GALNT17: variants seen among roughly 807,000 people sequenced by gnomAD.
GALNT17 encodes UDP-GalNAc:polypeptide N-acetylgalactosaminyltransferase-like 3.
GALNT17 carries 29 observed loss-of-function variants against 63.7 expected under a neutral mutation model. That is an observed-to-expected ratio of 0.46 (90% confidence interval 0.34 to 0.62). The LOEUF (loss-of-function observed/expected upper bound fraction) is 0.62, where lower values mean the gene tolerates loss of function less well. GALNT17 is among the 20% of genes least tolerant of loss of function. The pLI, the probability that GALNT17 is intolerant of heterozygous loss-of-function variation, is 0.01. For missense variants in GALNT17, 603 were observed against 799.6 expected (o/e 0.75, Z 2.97); for synonymous variants, 305 against 318.3 (o/e 0.96, Z 0.45).
intron 5 of GALNT17, among the ~76,000 whole-genome samples, chr7:71,559,937 G>A (rs902583980): frequency 2.0e-5 from 3 of 151,532 alleles, no homozygotes; most frequent in South Asian, 2.1e-4. Flanking sequence ...GCTCACGCCT[G>A]TAAATCCCAG....
chr7:71,473,884 A>C (rs984937338), intron 5 of GALNT17, among the ~76,000 whole-genome samples: 2 of 152,194 alleles, frequency 1.3e-5, no homozygotes, highest in African/African-American at 4.8e-5. Context: ...TCACAAAAGA[A>C]AGAATTCGGT....
intron 5 of GALNT17, among the ~76,000 whole-genome samples, chr7:71,423,132 G>GTTTTATGGGCACAGGTTTTTATGGGC (rs1786697116): frequency 6.6e-6 from 1 of 152,164 alleles, no homozygotes; most frequent in Non-Finnish European, 1.5e-5. Context: ...CAGGATGGGG[G>GTTTTATGGGCACAGGTTTTTATGGGC]ACAGGGTATG....
intron 6 of GALNT17, among the ~76,000 whole-genome samples, chr7:71,640,777 T>A (rs192812319): frequency 6.6e-6 from 1 of 152,120 alleles, no homozygotes; most frequent in East Asian, 1.9e-4. Flanking sequence ...CTTGAGAGGC[T>A]TACCCAGGAG....
intron 5 of GALNT17, among the ~76,000 whole-genome samples, chr7:71,511,106 C>T (rs558336278): frequency 1.6e-4 from 25 of 152,110 alleles, no homozygotes; most frequent in African/African-American, 5.8e-4. Flanking sequence ...CACTTGATCC[C>T]GGGAGGTCAA....
intron 5 of GALNT17, among the ~76,000 whole-genome samples, chr7:71,445,148 A>G (rs1787137508): frequency 6.7e-6 from 1 of 149,038 alleles, no homozygotes; most frequent in Non-Finnish European, 1.5e-5. Flanking sequence ...AGCACCTCCC[A>G]GGGTGGAGCC....
intron 6 of GALNT17, among the ~76,000 whole-genome samples, chr7:71,647,504 C>G (rs1790697132): frequency 1.3e-5 from 2 of 152,160 alleles, no homozygotes; most frequent in Non-Finnish European, 2.9e-5. Context: ...TGTTGATACC[C>G]TCCATTTTCA....
intron 3 of GALNT17, among the ~76,000 whole-genome samples, chr7:71,389,355 A>G (rs935641441): frequency 9.2e-5 from 14 of 151,912 alleles, no homozygotes; most frequent in African/African-American, 3.4e-4. Context: ...GCTGATCTCG[A>G]ACTCCTGACC....
chr7:71,302,515 G>A lies in GALNT17; in HGVS notation c.239-33035G>A, dbSNP rs116988223. ...ATTTCAGGACCTGAAAGATACTAGC[G>A]TACATGTGCAGGGCCATGTGCACAC... On this transcript the variant is annotated intron_variant, in intron 1 of 10. Transcript: ENST00000333538. 8.5e-5 allele frequency among the ~76,000 whole-genome samples: 13 copies of A among 152,054 alleles called. No individual in the cohort carries two copies. In the East Asian group the frequency reaches 2.1e-3, roughly 25 times the overall value.
At chr7:71,312,995 G>A (rs958758057) in intron 1 of GALNT17, among the ~76,000 whole-genome samples, 2 of 152,098 alleles carry the variant, frequency 1.3e-5, no homozygotes, top group African/African-American at 4.8e-5. Flanking sequence ...TGTAGTTCCA[G>A]CTACTTGGAA....
rs369931639 is a variant in GALNT17 at position 71,512,061 on chromosome 7, G to C, written c.963-59224G>C. ...CAGAGTTTCACTCTTGTTAACCCAGGCTGATGTACTGACTCACTGCAACAT... is the reference window on the plus strand; with the variant it reads ...CAGAGTTTCACTCTTGTTAACCCAGCCTGATGTACTGACTCACTGCAACAT... On this transcript the variant is annotated intron_variant, in intron 5 of 10. Coordinates refer to ENST00000333538, the MANE Select transcript of GALNT17 (RefSeq NM_022479.3). Among the ~76,000 whole-genome samples the C allele has an allele frequency of 5.5e-5, 8 of 144,734 alleles. 1 individual carries two copies. In the East Asian group the frequency reaches 1.6e-3, roughly 29 times the overall value. 95.0% of individuals were successfully genotyped at this position (144,734 alleles called of 152,430 possible).
chr7:71,343,762 A>T (rs1792044513), intron 2 of GALNT17, among the ~76,000 whole-genome samples: 1 of 152,166 alleles, frequency 6.6e-6, no homozygotes. Flanking sequence ...TGTTCCAAAG[A>T]TCTGTCCCTC....
At position 71,273,920 on chromosome 7, in the gene GALNT17, A is replaced by T. The variant is rs180895399; in HGVS notation, c.239-61630A>T. Reference sequence around the variant, plus strand: ...AAGAGAATGTGAATCATAGGTTTCCACTGACCTGTTTTAATTTTAGAGACT... The same window carrying T: ...AAGAGAATGTGAATCATAGGTTTCCTCTGACCTGTTTTAATTTTAGAGACT... On this transcript the variant is annotated intron_variant, in intron 1 of 10. Coordinates refer to ENST00000333538, the MANE Select transcript of GALNT17 (RefSeq NM_022479.3). Among the ~76,000 whole-genome samples, 98 of 152,286 alleles carry T rather than the reference A, an allele frequency of 6.4e-4. 1 individual carries two copies. Among genetic ancestry groups the T allele is most frequent in the African/African-American group, 2.4e-3 (98 of 41,568 alleles).
chr7:71,318,421 T>TTTTTTTTTTTTTTTTG (rs1562997941), intron 1 of GALNT17, among the ~76,000 whole-genome samples: 1 of 145,472 alleles, frequency 6.9e-6, no homozygotes, highest in African/African-American at 2.6e-5. Flanking sequence ...CTTTTTTTTT[T>TTTTTTTTTTTTTTTTG]GTGTGTGTGT....
At chr7:71,392,156 C>G (rs535050356) in intron 3 of GALNT17, among the ~76,000 whole-genome samples, 1 of 152,226 alleles carries the variant, frequency 6.6e-6, no homozygotes, top group East Asian at 1.9e-4. Flanking sequence ...CATTTAGTTT[C>G]CCCCAGAAGC....
Position 71,591,080 on chromosome 7 carries a change from G to A in GALNT17, c.1080+19678G>A, listed in dbSNP as rs111604035. On this transcript the variant is annotated intron_variant, in intron 6 of 10. Coordinates refer to ENST00000333538, the MANE Select transcript of GALNT17 (RefSeq NM_022479.3). ...CTGGCCATTTGTTTGGTTTTGAGACGGAGTCTCGCTCTGTCTCCCATGCTG... is the reference window on the plus strand; with the variant it reads ...CTGGCCATTTGTTTGGTTTTGAGACAGAGTCTCGCTCTGTCTCCCATGCTG... Among the ~76,000 whole-genome samples the A allele has an allele frequency of 9.9e-3, 1,490 of 150,618 alleles. 19 individuals carry two copies. The highest frequency in any genetic ancestry group is 0.034 in the African/African-American group (1,381 of 40,994).
At chr7:71,457,418 A>G (rs968395523) in intron 5 of GALNT17, among the ~76,000 whole-genome samples, 1 of 152,192 alleles carries the variant, frequency 6.6e-6, no homozygotes, top group Admixed American at 6.5e-5. Flanking sequence ...GAGTTCTTGG[A>G]TCTTGTGCAA....
chr7:71,275,039 G>A (rs1002268517), intron 1 of GALNT17, among the ~76,000 whole-genome samples: 1 of 152,186 alleles, frequency 6.6e-6, no homozygotes, highest in Non-Finnish European at 1.5e-5. Flanking sequence ...TCTGTATTGG[G>A]AGTTCGGCTC....
chr7:71,206,814 C>T (rs555627415), intron 1 of GALNT17, among the ~76,000 whole-genome samples: 17 of 152,148 alleles, frequency 1.1e-4, no homozygotes, highest in Non-Finnish European at 1.8e-4. Context: ...CTAGTCAAGA[C>T]TGATCAGTAG....
chr7:71,492,040 G>C (rs1010772973), intron 5 of GALNT17, among the ~76,000 whole-genome samples: 1 of 151,948 alleles, frequency 6.6e-6, no homozygotes, highest in East Asian at 1.9e-4. Context: ...CCAGCACTTT[G>C]GGAGGCCAAG....
Sources: allele counts gnomAD v4.1 joint callset (sites outside exome capture counted in the v4.1 genomes callset), GRCh38; gene constraint gnomAD v4.1.1; transcripts MANE v1.5; gene names NCBI Gene and HGNC (gene_info 2026-07-23, HGNC 2026-07-21).